The following CSMD1 variants were observed in gnomAD, a reference collection of about 807,000 sequenced individuals.
CSMD1 encodes CUB and Sushi multiple domains 1, also known as CUB and sushi domain-containing protein 1.
Under a neutral mutation model 417.5 loss-of-function variants are expected in CSMD1, and 213 were observed. That is an observed-to-expected ratio of 0.51 (90% CI 0.46 to 0.57). The LOEUF is 0.57. Among genes scored for constraint, CSMD1 ranks in the 20% least tolerant of loss-of-function variants. CSMD1 has a pLI of 0.00. For missense variants in CSMD1, 6,923 were observed against 4,529.7 expected, an observed-to-expected ratio of 1.53 and a Z score of -15.17; for synonymous variants, 2,862 against 1,736.8, an observed-to-expected ratio of 1.65 and a Z score of -16.11.
chr8:3,615,040 T>C (rs907167775), intron 8 of CSMD1, among the ~76,000 whole-genome samples: 1 of 152,214 alleles, frequency 6.6e-6, no homozygotes, highest in African/African-American at 2.4e-5. Context: ...TGCTTTGTTT[T>C]CAAAAGAGAT....
At chr8:3,981,026 T>C (rs1486713715) in intron 5 of CSMD1, among the ~76,000 whole-genome samples, 1 of 152,232 alleles carries the variant, frequency 6.6e-6, no homozygotes, top group Non-Finnish European at 1.5e-5. Context: ...TCAACTATCC[T>C]GTAGTAACCA....
intron 6 of CSMD1, among the ~76,000 whole-genome samples, chr8:3,719,324 C>T (rs1193306611): frequency 4.6e-5 from 7 of 152,276 alleles, no homozygotes; most frequent in Admixed American, 4.6e-4. Flanking sequence ...GCTCCAATCT[C>T]ACCCCTGAAA....
intron 49 of CSMD1, among the ~76,000 whole-genome samples, chr8:3,073,234 A>G (rs1436272544): frequency 4.6e-5 from 7 of 152,242 alleles, no homozygotes; most frequent in Non-Finnish European, 8.8e-5. Flanking sequence ...TGGCATAGGA[A>G]ATCATGCATG....
intron 3 of CSMD1, among the ~76,000 whole-genome samples, chr8:4,159,107 G>C (rs1346608461): frequency 1.3e-5 from 2 of 152,014 alleles, no homozygotes; most frequent in South Asian, 4.1e-4. Flanking sequence ...GTAGAGACGA[G>C]GCTTCTCCAT....
At chr8:3,053,750 G>T (rs974747702) in intron 49 of CSMD1, among the ~76,000 whole-genome samples, 4 of 152,088 alleles carry the variant, frequency 2.6e-5, no homozygotes, top group African/African-American at 9.7e-5. Context: ...GATTACATGT[G>T]ACAGTCATGA....
At chr8:4,179,951 G>C (rs1029601957) in intron 3 of CSMD1, among the ~76,000 whole-genome samples, 4 of 152,176 alleles carry the variant, frequency 2.6e-5, no homozygotes, top group African/African-American at 9.6e-5. Context: ...AGGATGTGGA[G>C]AAATAGGAAC....
At chr8:4,765,041 G>C (rs17419121) in intron 1 of CSMD1, among the ~76,000 whole-genome samples, 24 of 151,952 alleles carry the variant, frequency 1.6e-4, no homozygotes, top group African/African-American at 5.6e-4. Flanking sequence ...GCATGTTTTC[G>C]CACCTATGTA....
rs867940526 is a variant in CSMD1, at chr8:3,678,871, G to A, written c.1009+29543C>T. On this transcript the variant is annotated intron_variant, in intron 7 of 69. Coordinates refer to ENST00000635120, the MANE Select transcript of CSMD1 (RefSeq NM_033225.6). ...AAAGTCTACAAGCCAGAAAAGACTG[G>A]GGGCCAATATTCAACATTCTTAAAG... Among the ~76,000 whole-genome samples the A allele has an allele frequency of 2.0e-5, 3 of 152,128 alleles. No individual in the cohort carries two copies. The South Asian group carries it at 6.2e-4, about 32-fold the overall frequency.
At chr8:4,227,028 A>G (rs1801402049) in intron 3 of CSMD1, among the ~76,000 whole-genome samples, 1 of 150,562 alleles carries the variant, frequency 6.6e-6, no homozygotes, top group Middle Eastern at 3.4e-3. Flanking sequence ...TGCAGGTGAG[A>G]TGGGTCTGTA....
chr8:4,261,949 A>G (rs1274753216), intron 3 of CSMD1, among the ~76,000 whole-genome samples: 3 of 152,190 alleles, frequency 2.0e-5, no homozygotes, highest in Non-Finnish European at 4.4e-5. Context: ...ATGTAACAAA[A>G]CAGAAAAAAA....
chr8:3,187,161 C>G (rs1294044400), intron 36 of CSMD1, among the ~76,000 whole-genome samples: 1 of 152,230 alleles, frequency 6.6e-6, no homozygotes, highest in Non-Finnish European at 1.5e-5. Context: ...AATCGCAATA[C>G]TGATCATCAT....
chr8:4,039,856 T>G (rs866780943), intron 3 of CSMD1, among the ~76,000 whole-genome samples: 6 of 152,232 alleles, frequency 3.9e-5, no homozygotes, highest in Admixed American at 1.3e-4. Flanking sequence ...CTCCAGAAAG[T>G]GATTTTGTAA....
chr8:4,653,082 G>C (rs1285626089), intron 1 of CSMD1, among the ~76,000 whole-genome samples: 2 of 152,022 alleles, frequency 1.3e-5, no homozygotes, highest in Admixed American at 6.5e-5. Flanking sequence ...TAGAGGATGT[G>C]TTTATGAGAG....
At chr8:4,361,287 A>G (rs929742513) in intron 3 of CSMD1, among the ~76,000 whole-genome samples, 1 of 152,246 alleles carries the variant, frequency 6.6e-6, no homozygotes, top group African/African-American at 2.4e-5. Context: ...ACTCATAAAT[A>G]ATACAAGATA....
chr8:4,872,076 T>A (rs1384261236), intron 1 of CSMD1, among the ~76,000 whole-genome samples: 1 of 152,150 alleles, frequency 6.6e-6, no homozygotes, highest in Non-Finnish European at 1.5e-5. Context: ...TTCCCTAGTA[T>A]GTGTCAGGCT....
At chr8:4,600,892 G>C (rs1457738643) in intron 2 of CSMD1, among the ~76,000 whole-genome samples, 1 of 151,606 alleles carries the variant, frequency 6.6e-6, no homozygotes, top group African/African-American at 2.4e-5. Context: ...AGACTGTTGA[G>C]GAAGCTAAGA....
At chr8:4,042,561 G>C (rs987311276) in intron 3 of CSMD1, among the ~76,000 whole-genome samples, 2 of 152,004 alleles carry the variant, frequency 1.3e-5, no homozygotes, top group African/African-American at 2.4e-5. Context: ...AGTCATTCCA[G>C]CGGAAGGTAA....
chr8:3,619,900 A>T (rs1336989460), intron 7 of CSMD1, among the ~76,000 whole-genome samples: 1 of 152,154 alleles, frequency 6.6e-6, no homozygotes, highest in African/African-American at 2.4e-5. Context: ...TCAGGAATTC[A>T]AGACTGGCCT....
Position 3,631,365 on chromosome 8 carries a change from G to C in CSMD1, c.1010-14568C>G, listed in dbSNP as rs189287260. Among the ~76,000 whole-genome samples, 14 of 152,318 alleles carry C rather than the reference G, an allele frequency of 9.2e-5. No individual in the cohort carries two copies. The East Asian group carries it at 2.5e-3, about 27-fold the overall frequency. On this transcript the variant is annotated intron_variant, in intron 7 of 69. Transcript: ENST00000635120. ...ACAGAGACTGTCACACAGTAAGAAA[G>C]CAACACGTGAGGTAGTCAGTGACTG...
Sources: allele counts gnomAD v4.1 joint callset (sites outside exome capture counted in the v4.1 genomes callset), GRCh38; gene constraint gnomAD v4.1.1; transcripts MANE v1.5; gene names NCBI Gene and HGNC (gene_info 2026-07-23, HGNC 2026-07-21).